FBXO10: variants seen among roughly 807,000 people sequenced by gnomAD.
FBXO10 encodes the protein F-box only protein 10.
A neutral mutation model predicts 80.7 loss-of-function variants in FBXO10; 39 were observed. The ratio of observed to expected loss-of-function variants is 0.48; its 90% confidence interval spans 0.37 to 0.63. The LOEUF (loss-of-function observed/expected upper bound fraction) is 0.63. FBXO10 is among the 30% of genes least tolerant of loss of function. FBXO10 has a pLI of 0.00. For missense variants in FBXO10, 1,025 were observed against 1,269.0 expected (o/e 0.81, Z 2.92); for synonymous variants, 449 against 489.6 (o/e 0.92, Z 1.09).
intron 6 of FBXO10, among the ~76,000 whole-genome samples, chr9:37,524,464 G>T (rs549335895): frequency 6.6e-6 from 1 of 152,202 alleles, no homozygotes; most frequent in Non-Finnish European, 1.5e-5. Flanking sequence ...GATAAGTTCA[G>T]TCAGGGGGAT....
chr9:37,517,942 C>T (rs56891042), intron 9 of FBXO10, among the ~76,000 whole-genome samples, 183 bp downstream of exon 9: 25,597 of 152,216 alleles, frequency 0.17, 2,204 homozygotes, highest in African/African-American at 0.2. Context: ...CAGGACTCAG[C>T]TTCTCCGTCC....
chr9:37,532,156 A>G, intron 3 of FBXO10, 98 bp from the exon 4 acceptor site: 1 of 1,350,696 alleles, frequency 7.4e-7, no homozygotes, highest in Non-Finnish European at 1.0e-6. Context: ...CACCTGATCC[A>G]TGCAGTTTAC....
chr9:37,565,079 G>A (rs909113670), intron 1 of FBXO10, among the ~76,000 whole-genome samples: 2 of 152,130 alleles, frequency 1.3e-5, no homozygotes, highest in Non-Finnish European at 2.9e-5. Context: ...TGCTGTTCTC[G>A]TGATAGTGAG....
chr9:37,530,745 A>T (rs1588833979), intron 4 of FBXO10, among the ~76,000 whole-genome samples: 1 of 151,336 alleles, frequency 6.6e-6, no homozygotes, highest in Admixed American at 6.6e-5. Context: ...TGATCCTCCC[A>T]CCTCCCACCT....
intron 3 of FBXO10, among the ~76,000 whole-genome samples, chr9:37,533,649 T>A (rs1185303808): frequency 6.6e-6 from 1 of 151,808 alleles, no homozygotes; most frequent in Non-Finnish European, 1.5e-5. Context: ...GGCGGGCGGA[T>A]CACCTGAGGT....
At chr9:37,574,316 A>C (rs1198358793) in intron 1 of FBXO10, among the ~76,000 whole-genome samples, 1 of 152,248 alleles carries the variant, frequency 6.6e-6, no homozygotes. Flanking sequence ...GTGTAACTGC[A>C]CTGCAACTGA....
At chr9:37,569,040 T>C (rs1008163935) in intron 1 of FBXO10, among the ~76,000 whole-genome samples, 1 of 151,946 alleles carries the variant, frequency 6.6e-6, no homozygotes, top group East Asian at 1.9e-4. Context: ...TTAATGAAAA[T>C]GGACTAAATG....
At chr9:37,557,564 CT>C (rs1822368765) in intron 1 of FBXO10, among the ~76,000 whole-genome samples, 1 of 152,162 alleles carries the variant, frequency 6.6e-6, no homozygotes, top group Non-Finnish European at 1.5e-5. Flanking sequence ...ATTTTGCTGT[CT>C]TTCCATAAAG....
chr9:37,528,290 C>A (rs1336864918), intron 5 of FBXO10, among the ~76,000 whole-genome samples: 1 of 152,194 alleles, frequency 6.6e-6, no homozygotes, highest in Non-Finnish European at 1.5e-5. Flanking sequence ...GCCGCAAGGA[C>A]GTCAAGGGTC....
intron 1 of FBXO10, among the ~76,000 whole-genome samples, chr9:37,566,324 T>A (rs1472401706): frequency 6.6e-6 from 1 of 152,104 alleles, no homozygotes; most frequent in Non-Finnish European, 1.5e-5. Context: ...CCAGGCATAG[T>A]GGTGGGCACC....
At chr9:37,520,825 C>T (rs2119061301) in intron 8 of FBXO10, among the ~76,000 whole-genome samples, 1 of 152,202 alleles carries the variant, frequency 6.6e-6, no homozygotes, top group South Asian at 2.1e-4. Context: ...GCATGTGTGC[C>T]AGAGGTGGGA....
intron 1 of FBXO10, among the ~76,000 whole-genome samples, chr9:37,543,605 T>C (rs1167500137): frequency 1.3e-5 from 2 of 152,192 alleles, no homozygotes; most frequent in Non-Finnish European, 2.9e-5. Flanking sequence ...AGTTTCTCTA[T>C]AGCACTGCAG....
rs150495614 is a variant in FBXO10, at chr9:37,515,564, C to T, written c.2696+340G>A. 2.7e-4 allele frequency: 50 copies of T among 184,676 alleles called. 1 individual carries two copies. The East Asian group carries it at 4.9e-3, about 18-fold the overall frequency. 11.4% of individuals were successfully genotyped at this position (184,676 alleles called of 1,614,324 possible). ...GCAGCAGCATCAACTAACATTTTTA[C>T]AGCCCCTCAGAGATTCAGCCAGATA... On this transcript the variant is annotated intron_variant, in intron 10 of 10. Transcript: ENST00000432825.
At chr9:37,518,031 A>G in intron 9 of FBXO10, 94 bp downstream of exon 9, 1 of 1,291,706 alleles carries the variant, frequency 7.7e-7, no homozygotes, top group South Asian at 1.4e-5. Flanking sequence ...GTGCTGAGTG[A>G]TTACGGTTCT....
Position 37,532,050 on chromosome 9 carries a change from C to A in FBXO10, c.1428G>T (p.Met476Ile). Residue 476 changes from methionine (M) to isoleucine (I), a missense_variant, in exon 4 of 11, where the codon ATG (methionine) becomes ATT (isoleucine). Transcript: ENST00000432825. ...VRCIHNSKII[M>I]LRNDIYRCRA... Reference sequence around the variant, plus strand: ...GGCAGCGGTAAATGTCGTTCCTGAGCATGATGATCTAAGCAGAAAAGAGAA... The same window carrying A: ...GGCAGCGGTAAATGTCGTTCCTGAGAATGATGATCTAAGCAGAAAAGAGAA... 1 of 1,613,354 alleles carries A rather than the reference C, an allele frequency of 6.2e-7. No individual in the cohort carries two copies. Among genetic ancestry groups the A allele is most frequent in the South Asian group, 1.1e-5 (1 of 91,026 alleles).
intron 4 of FBXO10, 146 bp downstream of exon 4, chr9:37,531,763 G>C (rs947581184): frequency 4.1e-6 from 3 of 736,476 alleles, no homozygotes; most frequent in Non-Finnish European, 6.5e-6. Flanking sequence ...GAGACACAGA[G>C]TCACAAGGAC....
intron 1 of FBXO10, among the ~76,000 whole-genome samples, chr9:37,574,926 C>A (rs933839113): frequency 7.9e-5 from 12 of 152,188 alleles, no homozygotes; most frequent in African/African-American, 2.6e-4. Flanking sequence ...TGAATAAATG[C>A]GGAATGAGAT....
intron 1 of FBXO10, among the ~76,000 whole-genome samples, chr9:37,571,829 T>C (rs940760315): frequency 6.8e-6 from 1 of 147,074 alleles, no homozygotes; most frequent in African/African-American, 2.5e-5. Flanking sequence ...GGCAATCCAA[T>C]TAACCAACAA....
chr9:37,516,970 A>C (rs1320802011), intron 9 of FBXO10, among the ~76,000 whole-genome samples: 11 of 151,550 alleles, frequency 7.3e-5, no homozygotes, highest in Admixed American at 7.2e-4. Context: ...CAAAAAAAAA[A>C]AAAACAAAAA....
Sources: allele counts gnomAD v4.1 joint callset (sites outside exome capture counted in the v4.1 genomes callset), GRCh38; gene constraint gnomAD v4.1.1; transcripts MANE v1.5; gene names NCBI Gene and HGNC (gene_info 2026-07-23, HGNC 2026-07-21).